The following AKR1C8 variants were observed in gnomAD, a reference collection of about 807,000 sequenced individuals.
AKR1C8 encodes aldo-keto reductase family 1 member C-like protein 1.
chr10:5,143,982 A>G, the AKR1C8 span, among the ~76,000 whole-genome samples: 1 of 152,088 alleles, frequency 6.6e-6, no homozygotes, highest in Non-Finnish European at 1.5e-5. Context: ...TGCATAAACT[A>G]TCCACATTAC....
chr10:5,130,826 T>C, the AKR1C8 span, among the ~76,000 whole-genome samples: 1 of 151,688 alleles, frequency 6.6e-6, no homozygotes, highest in Non-Finnish European at 1.5e-5. Flanking sequence ...ATAGAATCAA[T>C]ACTCTGAAAA....
At chr10:5,184,039 C>T in the AKR1C8 span, among the ~76,000 whole-genome samples, 610 of 152,216 alleles carry the variant, frequency 4.0e-3, 7 homozygotes, top group South Asian at 0.025. Flanking sequence ...ACATGTGGAC[C>T]GTGAGATGAG....
chr10:5,136,369 G>A, the AKR1C8 span, among the ~76,000 whole-genome samples: 45 of 152,076 alleles, frequency 3.0e-4, 1 homozygote, highest in Admixed American at 3.9e-4. Flanking sequence ...CGAATATGAC[G>A]AAACCTCGTC....
At chr10:5,145,320 G>A in the AKR1C8 span, among the ~76,000 whole-genome samples, 1 of 152,042 alleles carries the variant, frequency 6.6e-6, no homozygotes, top group Non-Finnish European at 1.5e-5. Flanking sequence ...CAAAAGCAAT[G>A]GCAACAAAAG....
At chr10:5,123,820 C>T in the AKR1C8 span, 5 of 1,608,928 alleles carry the variant, frequency 3.1e-6, no homozygotes, top group South Asian at 4.4e-5. Context: ...TGACATTCCA[C>T]CTGCAGATGA....
the AKR1C8 span, among the ~76,000 whole-genome samples, chr10:5,138,720 C>A: frequency 1.3e-5 from 2 of 152,074 alleles, no homozygotes; most frequent in Non-Finnish European, 2.9e-5. Context: ...CAGCTCCAGT[C>A]GGTCCCTCCA....
At chr10:5,137,766 G>C in the AKR1C8 span, among the ~76,000 whole-genome samples, 2 of 152,130 alleles carry the variant, frequency 1.3e-5, no homozygotes, top group East Asian at 1.9e-4. Context: ...TATAAAGAGA[G>C]GAATTTTACA....
chr10:5,165,887 C>T, the AKR1C8 span, among the ~76,000 whole-genome samples: 20 of 151,806 alleles, frequency 1.3e-4, no homozygotes, highest in African/African-American at 4.6e-4. Context: ...GAACTAGTAC[C>T]TCACACAGGT....
the AKR1C8 span, among the ~76,000 whole-genome samples, chr10:5,144,538 CTT>C: frequency 2.0e-5 from 3 of 151,228 alleles, no homozygotes; most frequent in Non-Finnish European, 3.0e-5. Context: ...TTTGTATCCT[CTT>C]TTATTTCCTT....
chr10:5,176,295 C>G, the AKR1C8 span, among the ~76,000 whole-genome samples: 1 of 119,378 alleles, frequency 8.4e-6, no homozygotes, highest in African/African-American at 2.9e-5. Context: ...TGTAGATATG[C>G]GGCATTATTT....
chr10:5,151,245 G>T, the AKR1C8 span, among the ~76,000 whole-genome samples: 1 of 152,164 alleles, frequency 6.6e-6, no homozygotes, highest in Non-Finnish European at 1.5e-5. Context: ...ATTTATGGAA[G>T]TTCAGAATCT....
chr10:5,146,917 G>T, the AKR1C8 span, among the ~76,000 whole-genome samples: 3 of 152,122 alleles, frequency 2.0e-5, no homozygotes, highest in African/African-American at 7.2e-5. Context: ...ACTGGTTCTA[G>T]GTGTGTAGAG....
At chr10:5,127,832 G>C in the AKR1C8 span, among the ~76,000 whole-genome samples, 12 of 151,018 alleles carry the variant, frequency 7.9e-5, no homozygotes, top group Non-Finnish European at 1.2e-4. Flanking sequence ...AGGGAGAAGA[G>C]AAGTCTAAAA....
the AKR1C8 span, among the ~76,000 whole-genome samples, chr10:5,153,440 G>C: frequency 1.3e-5 from 2 of 152,108 alleles, no homozygotes; most frequent in Admixed American, 1.3e-4. Context: ...ATTATTTCAA[G>C]TTTATAAAAA....
the AKR1C8 span, among the ~76,000 whole-genome samples, chr10:5,128,325 C>A: frequency 6.6e-6 from 1 of 152,040 alleles, no homozygotes; most frequent in Admixed American, 6.6e-5. Flanking sequence ...CACAATGGAA[C>A]CTCCTGAAAG....
chr10:5,178,064 G>T, the AKR1C8 span, among the ~76,000 whole-genome samples: 19 of 151,996 alleles, frequency 1.3e-4, no homozygotes, highest in South Asian at 1.5e-3. Context: ...TCTTTTAATT[G>T]TGATGTTAGG....
At chr10:5,149,810 C>T in the AKR1C8 span, among the ~76,000 whole-genome samples, 4 of 152,036 alleles carry the variant, frequency 2.6e-5, no homozygotes, top group East Asian at 7.7e-4. Context: ...AACTATGTTG[C>T]CATAAATTAA....
chr10:5,130,748 A>C, the AKR1C8 span, among the ~76,000 whole-genome samples: 1 of 152,020 alleles, frequency 6.6e-6, no homozygotes, highest in Non-Finnish European at 1.5e-5. Flanking sequence ...TACAAGGAAA[A>C]CTATAAAACA....
At chr10:5,179,757 T>G in the AKR1C8 span, among the ~76,000 whole-genome samples, 13,122 of 152,258 alleles carry the variant, frequency 0.086, 685 homozygotes, top group East Asian at 0.14. Flanking sequence ...TTCTTCCAGT[T>G]GATTGCATCA....
Sources: allele counts gnomAD v4.1 joint callset (sites outside exome capture counted in the v4.1 genomes callset), GRCh38; gene constraint gnomAD v4.1.1; transcripts MANE v1.5; gene names NCBI Gene and HGNC (gene_info 2026-07-23, HGNC 2026-07-21).